SPECC1: variants seen among roughly 807,000 people sequenced by gnomAD.
SPECC1 encodes the protein sperm antigen with calponin homology and coiled-coil domains 1.
SPECC1 carries 62 observed loss-of-function variants against 104.1 expected under a neutral mutation model. The ratio of observed to expected loss-of-function variants is 0.60; its 90% CI spans 0.49 to 0.74. The LOEUF (loss-of-function observed/expected upper bound fraction) is 0.74. Among genes scored for constraint, SPECC1 ranks in the 30% least tolerant of loss-of-function variants. The pLI, the probability that SPECC1 is intolerant of heterozygous loss-of-function variation, is 0.00. For missense variants in SPECC1, 1,306 were observed against 1,310.5 expected, an observed-to-expected ratio of 1.00 and a Z score of 0.05; for synonymous variants, 513 against 501.6, an observed-to-expected ratio of 1.02 and a Z score of -0.30.
intron 3 of SPECC1, among the ~76,000 whole-genome samples, chr17:20,135,423 A>C (rs2049866231): frequency 6.6e-6 from 1 of 152,186 alleles, no homozygotes; most frequent in South Asian, 2.1e-4. Flanking sequence ...TTGGAACATT[A>C]AGCCAAGAAG....
At chr17:20,203,905 T>G (rs1423422909) in intron 3 of SPECC1, among the ~76,000 whole-genome samples, 1 of 152,232 alleles carries the variant, frequency 6.6e-6, no homozygotes, top group Non-Finnish European at 1.5e-5. Context: ...GAGAGTTTAG[T>G]TTCCTTCTTC....
chr17:20,023,198 T>C (rs1186750202), intron 1 of SPECC1, among the ~76,000 whole-genome samples: 1 of 152,226 alleles, frequency 6.6e-6, no homozygotes, highest in Non-Finnish European at 1.5e-5. Context: ...AAAGCTGCTA[T>C]AGGTTGTATG....
chr17:20,027,284 T>C (rs1308495945), intron 1 of SPECC1, among the ~76,000 whole-genome samples: 1 of 152,206 alleles, frequency 6.6e-6, no homozygotes, highest in East Asian at 1.9e-4. Context: ...TATTTGCTTT[T>C]TTGCTGTTGA....
At chr17:20,069,206 G>A (rs544341892) in intron 1 of SPECC1, among the ~76,000 whole-genome samples, 10 of 152,314 alleles carry the variant, frequency 6.6e-5, no homozygotes, top group African/African-American at 2.2e-4. Context: ...TGCAGTATTC[G>A]GTTTTCTGTT....
At chr17:20,264,399 T>G (rs533211639) in intron 12 of SPECC1, among the ~76,000 whole-genome samples, 4 of 150,990 alleles carry the variant, frequency 2.6e-5, no homozygotes, top group Non-Finnish European at 5.9e-5. Flanking sequence ...CCTTCCTCCC[T>G]TGTCTAGTAG....
In SPECC1 at chr17:20,096,742, G is replaced by A. The variant is rs751391188; in HGVS notation, c.91G>A (p.Gly31Ser). The change falls in exon 2 of 15, where the codon GGC becomes AGC. Residue 31 changes from glycine to serine, a missense_variant. Gly to Ser is a moderately conservative substitution (Grantham distance 56). This residue lies in a region of SPECC1 where 1,177 missense variants were observed against 1,139.9 expected (regional missense o/e 1.03). Coordinates refer to ENST00000395527, the MANE Select transcript of SPECC1 (RefSeq NM_001243439.2). ...RVRPLPAASS[G>S]MKSSKSSTSL... ...GCGGCCTCTGCCTGCAGCCTCTTCC[G>A]GCATGAAGAGTTCTAAGTCTTCAAC... The A allele has an allele frequency of 1.2e-5, 20 of 1,614,084 alleles. No individual in the cohort carries two copies. Among genetic ancestry groups the A allele is most frequent in the Middle Eastern group, 1.6e-4 (1 of 6,084 alleles).
At chr17:20,150,251 G>T (rs968296088) in intron 3 of SPECC1, among the ~76,000 whole-genome samples, 2 of 151,740 alleles carry the variant, frequency 1.3e-5, no homozygotes, top group African/African-American at 4.8e-5. Context: ...CTAAAGTGCT[G>T]GGATTACAGG....
intron 4 of SPECC1, among the ~76,000 whole-genome samples, chr17:20,207,406 A>C (rs1346477304): frequency 6.6e-6 from 1 of 152,190 alleles, no homozygotes; most frequent in African/African-American, 2.4e-5. Context: ...ATTGGGTTTT[A>C]ATATCTTGTG....
intron 8 of SPECC1, 133 bp downstream of exon 8, chr17:20,246,204 C>A (rs112631084): frequency 9.8e-7 from 1 of 1,019,808 alleles, no homozygotes; most frequent in Non-Finnish European, 1.4e-6. Context: ...GGTCCTACCA[C>A]GTGCAGCCAC....
intron 3 of SPECC1, among the ~76,000 whole-genome samples, chr17:20,189,554 T>C (rs926280663): frequency 1.3e-5 from 2 of 152,126 alleles, no homozygotes; most frequent in African/African-American, 4.8e-5. Context: ...CATACCATTA[T>C]CTCTCCTCAG....
chr17:20,121,658 C>G (rs1384608394), intron 3 of SPECC1, among the ~76,000 whole-genome samples: 1 of 152,184 alleles, frequency 6.6e-6, no homozygotes, highest in Non-Finnish European at 1.5e-5. Context: ...TTCTTTTTCT[C>G]CCTGAGGTGT....
At chr17:20,296,786 G>A (rs1354553776) in intron 12 of SPECC1, among the ~76,000 whole-genome samples, 175 bp from the exon 13 acceptor site, 1 of 152,146 alleles carries the variant, frequency 6.6e-6, no homozygotes, top group Non-Finnish European at 1.5e-5. Flanking sequence ...TGTAGCATTT[G>A]TGAATGAGAG....
intron 3 of SPECC1, among the ~76,000 whole-genome samples, chr17:20,130,931 T>C (rs1263962737): frequency 6.6e-6 from 1 of 152,232 alleles, no homozygotes; most frequent in Non-Finnish European, 1.5e-5. Flanking sequence ...ATACAAATCC[T>C]ATACCTGTTT....
intron 5 of SPECC1, among the ~76,000 whole-genome samples, chr17:20,227,866 G>A (rs2038323750): frequency 6.6e-6 from 1 of 152,174 alleles, no homozygotes; most frequent in African/African-American, 2.4e-5. Context: ...AGTGAGCCGA[G>A]ATTGCGCCAC....
At chr17:20,117,042 T>G (rs1025838929) in intron 3 of SPECC1, among the ~76,000 whole-genome samples, 5 of 151,960 alleles carry the variant, frequency 3.3e-5, no homozygotes, top group African/African-American at 1.2e-4. Flanking sequence ...GGGATTAACC[T>G]TAGGCATTCT....
chr17:20,265,224 C>A (rs1305478967), intron 12 of SPECC1, among the ~76,000 whole-genome samples: 2 of 152,174 alleles, frequency 1.3e-5, no homozygotes, highest in Non-Finnish European at 2.9e-5. Flanking sequence ...TTTATTCCCA[C>A]CAGCAGTGTA....
At chr17:20,093,701 G>T (rs1323572472) in intron 1 of SPECC1, among the ~76,000 whole-genome samples, 1 of 146,820 alleles carries the variant, frequency 6.8e-6, no homozygotes, top group East Asian at 1.9e-4. Context: ...CATATTGTGG[G>T]TTTTTTGTTT....
At chr17:20,114,966 T>G (rs2048685090) in intron 3 of SPECC1, among the ~76,000 whole-genome samples, 1 of 152,216 alleles carries the variant, frequency 6.6e-6, no homozygotes, top group Admixed American at 6.5e-5. Context: ...TCATTTCACT[T>G]TGTACTATAT....
chr17:20,031,730 ATTTC>A (rs2044822361), intron 1 of SPECC1, among the ~76,000 whole-genome samples: 2 of 152,176 alleles, frequency 1.3e-5, no homozygotes, highest in Admixed American at 1.3e-4. Context: ...TACCCTAGGT[ATTTC>A]ATACAAGTGA....
Sources: gnomAD v4.1 joint callset for allele counts (sites outside exome capture counted in the v4.1 genomes callset) on GRCh38, gnomAD v4.1.1 for gene constraint, gnomAD v4.1.1 regional missense constraint, MANE v1.5 for transcripts, NCBI Gene and HGNC (gene_info 2026-07-23, HGNC 2026-07-21) for gene names.